Variants in TTC13 observed in about 807,000 individuals in gnomAD.
TTC13 encodes the protein tetratricopeptide repeat protein 13.
Under a neutral mutation model 120.0 loss-of-function variants are expected in TTC13, and 62 were observed. That is an observed-to-expected ratio of 0.52 (90% CI 0.42 to 0.64). The LOEUF (loss-of-function observed/expected upper bound fraction) is 0.64. Ranked by LOEUF, TTC13 falls within the 30% of genes least tolerant of loss-of-function variation. TTC13 has a pLI of 0.00. For synonymous variants in TTC13, 384 were observed against 393.5 expected (o/e 0.98, Z 0.28); for missense variants, 824 against 1,050.2 (o/e 0.78, Z 2.98).
intron 12 of TTC13, among the ~76,000 whole-genome samples, chr1:230,927,893 C>T (rs1673175248): frequency 6.6e-6 from 1 of 152,124 alleles, no homozygotes; most frequent in South Asian, 2.1e-4. Context: ...TTTATTTTAT[C>T]CATAAAATAA....
At chr1:230,971,345 C>CAAAAAAAA (rs11453211) in intron 1 of TTC13, among the ~76,000 whole-genome samples, 8 of 80,806 alleles carry the variant, frequency 9.9e-5, no homozygotes, top group South Asian at 6.2e-4. Context: ...GACTCCATCT[C>CAAAAAAAA]AAAAAAAAAA....
At position 230,906,752 on chromosome 1, in the gene TTC13, AAAAGT is replaced by A. The variant is rs1464895552; in HGVS notation, c.*148_*152del. ...TTTCATGATTTTCATTATGGTTCAG[AAAAGT>A]AAAGAAAATGATTTCAAGTATTCAA... On this transcript the variant is annotated 3_prime_UTR_variant, in exon 23 of 23. Coordinates refer to ENST00000366661, the MANE Select transcript of TTC13 (RefSeq NM_024525.5). 2.6e-6 allele frequency: 1 copy of A among 390,792 alleles called. No homozygotes were observed. Among genetic ancestry groups the A allele is most frequent in the Non-Finnish European group, 4.7e-6 (1 of 213,908 alleles). The allele number at this position is 390,792 out of a possible 1,614,324, so 24.2% of individuals were successfully genotyped here. A position where few individuals can be genotyped will look rare whatever the true frequency, so the allele number is the denominator to read the frequency against.
chr1:230,958,045 T>A (rs1676265930), intron 3 of TTC13, among the ~76,000 whole-genome samples, 179 bp downstream of exon 3: 2 of 152,142 alleles, frequency 1.3e-5, no homozygotes, highest in Non-Finnish European at 2.9e-5. Flanking sequence ...AAACCTTTTT[T>A]TTTTCTCTTG....
intron 8 of TTC13, among the ~76,000 whole-genome samples, 196 bp from the exon 9 acceptor site, chr1:230,934,057 T>C (rs1320637382): frequency 1.3e-5 from 2 of 152,212 alleles, no homozygotes; most frequent in South Asian, 2.1e-4. Context: ...AATGCATTAC[T>C]ATGAAAAATA....
Position 230,958,304 on chromosome 1 carries a change from G to GAAAAA in TTC13, c.367-10_367-6dup. 2 of 1,450,052 alleles carry GAAAAA rather than the reference G, an allele frequency of 1.4e-6. No homozygotes were observed. Among genetic ancestry groups the GAAAAA allele is most frequent in the East Asian group, 2.4e-5 (1 of 41,744 alleles). The allele number at this position is 1,450,052 out of a possible 1,614,324, so 89.8% of individuals were successfully genotyped here. On this transcript the variant is annotated splice_polypyrimidine_tract_variant and splice_region_variant and intron_variant, in intron 2 of 22. Coordinates refer to ENST00000366661, the MANE Select transcript of TTC13 (RefSeq NM_024525.5). ...TGCAATAGACTTGGCCTGGCTCTGG[G>GAAAAA]AAAAAAAAAAAAAAAACCCATACAT...
Position 230,921,483 on chromosome 1 carries a change from T to A in TTC13, c.1836A>T (p.Arg612Ser). ...NLIRGQVINM[R>S]YLEYFEKILH... The stretch of plus-strand genomic sequence containing the variant: ...GTATTTTCTCAAAATATTCTAGGTA[T>A]CTCATGTTGATCACCTGACCCCTAT... The change falls in exon 16 of 23, where the codon AGA becomes AGT. Residue 612 changes from arginine to serine, a missense_variant. Around this residue, in one of 4 missense-constraint regions of TTC13, gnomAD observed 430 missense variants for 626.8 expected, o/e 0.69. Transcript: ENST00000366661. 6.5e-7 allele frequency: 1 copy of A among 1,545,858 alleles called. No individual in the cohort carries two copies. The highest frequency in any genetic ancestry group is 8.8e-7 in the Non-Finnish European group (1 of 1,138,368).
chr1:230,915,100 T>C (rs1371662622), intron 18 of TTC13, among the ~76,000 whole-genome samples: 2 of 152,130 alleles, frequency 1.3e-5, no homozygotes. Context: ...GATCAAGACT[T>C]CAAAGATATA....
At chr1:230,921,642 T>C (rs969748554) in intron 15 of TTC13, 138 bp from the exon 16 acceptor site, 3 of 520,646 alleles carry the variant, frequency 5.8e-6, no homozygotes, top group Non-Finnish European at 9.8e-6. Flanking sequence ...GAAATTCGCT[T>C]GTTCATAGTC....
At chr1:230,969,330 C>G (rs140644729) in intron 1 of TTC13, among the ~76,000 whole-genome samples, 2 of 152,178 alleles carry the variant, frequency 1.3e-5, no homozygotes, top group African/African-American at 4.8e-5. Context: ...GAAGAGTTGA[C>G]CTGGTGAAGA....
At chr1:230,927,513 T>C (rs1673147285) in intron 12 of TTC13, among the ~76,000 whole-genome samples, 1 of 152,232 alleles carries the variant, frequency 6.6e-6, no homozygotes, top group African/African-American at 2.4e-5. Context: ...GTAAAATTAC[T>C]TGTTCATGTC....
At chr1:230,977,925 C>A (rs1678510442) in intron 1 of TTC13, among the ~76,000 whole-genome samples, 1 of 152,270 alleles carries the variant, frequency 6.6e-6, no homozygotes, top group Non-Finnish European at 1.5e-5. Flanking sequence ...TCAAGGCCTG[C>A]AGGGGCCTTT....
intron 1 of TTC13, among the ~76,000 whole-genome samples, chr1:230,971,313 T>C (rs938176876): frequency 1.2e-4 from 15 of 121,994 alleles, no homozygotes; most frequent in Admixed American, 1.0e-3. Context: ...ACCACTGCAC[T>C]CCAGCCTGGG....
chr1:230,938,708 T>G (rs1674296081), intron 8 of TTC13, among the ~76,000 whole-genome samples: 2 of 152,172 alleles, frequency 1.3e-5, no homozygotes, highest in Admixed American at 6.5e-5. Flanking sequence ...CCTCATCTCC[T>G]CAGCCACCAC....
chr1:230,913,194 A>C (rs1459266544), intron 18 of TTC13, among the ~76,000 whole-genome samples: 1 of 152,240 alleles, frequency 6.6e-6, no homozygotes, highest in African/African-American at 2.4e-5. Context: ...CAAAACAAAA[A>C]AAAAGTGGAG....
At chr1:230,968,377 T>C (rs1460974993) in intron 1 of TTC13, among the ~76,000 whole-genome samples, 1 of 152,202 alleles carries the variant, frequency 6.6e-6, no homozygotes, top group Non-Finnish European at 1.5e-5. Flanking sequence ...TGCTGCTTTA[T>C]TTCTAATTCA....
intron 8 of TTC13, among the ~76,000 whole-genome samples, chr1:230,935,489 G>T (rs564691200): frequency 6.6e-6 from 1 of 152,146 alleles, no homozygotes; most frequent in African/African-American, 2.4e-5. Flanking sequence ...AAAGAAATTT[G>T]GTAAAGAAAG....
chr1:230,908,581 C>T, intron 22 of TTC13, 131 bp downstream of exon 22: 1 of 695,872 alleles, frequency 1.4e-6, no homozygotes, highest in South Asian at 1.9e-5. Context: ...GAATTAAATT[C>T]ATTGTATTAC....
chr1:230,970,851 T>C lies in TTC13; in HGVS notation c.271+7709A>G, dbSNP rs1677661425. Among the ~76,000 whole-genome samples the C allele has an allele frequency of 2.6e-5, 4 of 152,178 alleles. No individual in the cohort carries two copies. In the South Asian group the frequency reaches 6.2e-4, roughly 24 times the overall value. The stretch of plus-strand genomic sequence containing the variant: ...ACACTGAGCTACTTGAAAATAAGGA[T>C]GACTGGGCTTTTCCCTTGGATGAGC... On this transcript the variant is annotated intron_variant, in intron 1 of 22. Transcript: ENST00000366661.
intron 8 of TTC13, chr1:230,936,094 T>G: frequency 2.3e-6 from 1 of 444,340 alleles, no homozygotes; most frequent in Non-Finnish European, 4.5e-6. Context: ...TCGGGGCGTG[T>G]TAAGTCTGGA....
Sources: allele counts gnomAD v4.1 joint callset (sites outside exome capture counted in the v4.1 genomes callset), GRCh38; gene constraint gnomAD v4.1.1; regional missense constraint gnomAD v4.1.1; transcripts MANE v1.5; gene names NCBI Gene and HGNC (gene_info 2026-07-23, HGNC 2026-07-21).